ARHGAP31: variants seen among roughly 807,000 people sequenced by gnomAD.
The protein encoded by ARHGAP31 is rho GTPase-activating protein 31.
Under a neutral mutation model 113.9 loss-of-function variants are expected in ARHGAP31, and 34 were observed. The observed-to-expected ratio is 0.30, with a 90% CI of 0.23 to 0.40. ARHGAP31 has a LOEUF of 0.40. ARHGAP31 is among the 10% of genes least tolerant of loss of function. The pLI is 1.00. For missense variants in ARHGAP31, 1,548 were observed against 1,767.1 expected (o/e 0.88, Z 2.22); for synonymous variants, 650 against 684.8 (o/e 0.95, Z 0.79).
intron 1 of ARHGAP31, among the ~76,000 whole-genome samples, chr3:119,306,384 T>C (rs2079630755): frequency 6.6e-6 from 1 of 151,936 alleles, no homozygotes; most frequent in Non-Finnish European, 1.5e-5. Context: ...TGAAACCCCA[T>C]CTCTACTAAA....
chr3:119,415,001 A>G lies in ARHGAP31; in HGVS notation c.3072A>G (p.Gly1024=), dbSNP rs377221195. The change falls in exon 12 of 12, where the codon GGA becomes GGG. Residue 1024 remains glycine, a synonymous_variant. Transcript: ENST00000264245. Reference sequence around the variant, plus strand: ...CAGAGGCTCCTCCCAACCAGAAGGGACCAAGTGGTGTGCAACCCAACCCAG... The same window carrying G: ...CAGAGGCTCCTCCCAACCAGAAGGGGCCAAGTGGTGTGCAACCCAACCCAG... ...KGAEAPPNQK[G]PSGVQPNPAE... 1.8e-5 allele frequency: 29 copies of G among 1,614,184 alleles called. No individual in the cohort carries two copies. The African/African-American group carries it at 3.3e-4, about 19-fold the overall frequency.
In ARHGAP31 at chr3:119,304,913, A is replaced by T. The variant is rs999539733; in HGVS notation, c.100+9909A>T. ...CTGTCTCAAAATAAAATAAAATAAA[A>T]TAAAATAAAATAAAATAAAATAAAA... On this transcript the variant is annotated intron_variant, in intron 1 of 11. Transcript: ENST00000264245. 1.4e-4 allele frequency among the ~76,000 whole-genome samples: 9 copies of T among 64,280 alleles called. No individual in the cohort carries two copies. In the South Asian group the frequency reaches 2.0e-3, roughly 14 times the overall value. 42.2% of individuals were successfully genotyped at this position (64,280 alleles called of 152,430 possible).
chr3:119,359,806 G>A (rs578098879), intron 1 of ARHGAP31, among the ~76,000 whole-genome samples: 3 of 152,236 alleles, frequency 2.0e-5, no homozygotes, highest in South Asian at 2.1e-4. Context: ...TCTTTACTGC[G>A]TCTCTTGGGA....
intron 6 of ARHGAP31, 113 bp downstream of exon 6, chr3:119,383,339 G>A (rs2080419703): frequency 7.4e-7 from 1 of 1,357,394 alleles, no homozygotes; most frequent in Non-Finnish European, 1.0e-6. Flanking sequence ...AGTGTTGGCT[G>A]TGTGTATGCT....
At chr3:119,361,098 A>G (rs187359467) in intron 1 of ARHGAP31, among the ~76,000 whole-genome samples, 1 of 152,342 alleles carries the variant, frequency 6.6e-6, no homozygotes, top group Admixed American at 6.5e-5. Context: ...CCCCTGGGAC[A>G]ATAGTTTAAA....
chr3:119,325,764 C>T (rs775527617), intron 1 of ARHGAP31, among the ~76,000 whole-genome samples: 1 of 152,174 alleles, frequency 6.6e-6, no homozygotes, highest in Non-Finnish European at 1.5e-5. Flanking sequence ...AGAGGAGCTA[C>T]CAGTAATTTT....
chr3:119,390,992 C>A lies in ARHGAP31; in HGVS notation c.881+9C>A, dbSNP rs373155297. The A allele has an allele frequency of 9.9e-6, 16 of 1,613,708 alleles. No homozygotes were observed. The highest frequency in any genetic ancestry group is 1.4e-5 in the Non-Finnish European group (16 of 1,179,698). On this transcript the variant is annotated intron_variant, in intron 7 of 11. Coordinates refer to ENST00000264245, the MANE Select transcript of ARHGAP31 (RefSeq NM_020754.4). Reference sequence around the variant, plus strand: ...GAGTTACCAGACAACAAGTAAGTGGCACTCTTTTAAAAAATTCTAGGAGAT... The same window carrying A: ...GAGTTACCAGACAACAAGTAAGTGGAACTCTTTTAAAAAATTCTAGGAGAT...
chr3:119,304,546 A>G (rs72960642), intron 1 of ARHGAP31, among the ~76,000 whole-genome samples: 8,943 of 152,130 alleles, frequency 0.059, 687 homozygotes, highest in African/African-American at 0.18. Flanking sequence ...AAATCTGGGA[A>G]AGGCAGCTGA....
At chr3:119,295,566 G>T (rs957600024) in intron 1 of ARHGAP31, among the ~76,000 whole-genome samples, 19 of 151,980 alleles carry the variant, frequency 1.3e-4, no homozygotes, top group African/African-American at 4.6e-4. Context: ...CAAATATATA[G>T]TACCTCCACC....
intron 1 of ARHGAP31, among the ~76,000 whole-genome samples, chr3:119,332,670 C>T (rs1259253963): frequency 6.7e-6 from 1 of 149,796 alleles, no homozygotes; most frequent in East Asian, 1.9e-4. Context: ...CACACACACA[C>T]ACACACGCAT....
chr3:119,323,420 G>T (rs1413621462), intron 1 of ARHGAP31, among the ~76,000 whole-genome samples: 2 of 152,254 alleles, frequency 1.3e-5, no homozygotes, highest in African/African-American at 4.8e-5. Context: ...GTAGAGAAAG[G>T]AGGTGCAACC....
intron 3 of ARHGAP31, among the ~76,000 whole-genome samples, chr3:119,374,377 C>T (rs940093317): frequency 6.6e-6 from 1 of 152,168 alleles, no homozygotes; most frequent in Non-Finnish European, 1.5e-5. Context: ...TGTTAGCTTC[C>T]TGAGGCCCTC....
At chr3:119,368,214 C>A (rs562353189) in intron 2 of ARHGAP31, among the ~76,000 whole-genome samples, 158 bp from the exon 3 acceptor site, 1 of 152,282 alleles carries the variant, frequency 6.6e-6, no homozygotes, top group African/African-American at 2.4e-5. Context: ...CTTCCTGTGA[C>A]TTCCTAGGGC....
intron 1 of ARHGAP31, 126 bp downstream of exon 1, chr3:119,295,130 A>G: frequency 3.6e-6 from 3 of 831,856 alleles, no homozygotes; most frequent in Admixed American, 2.6e-5. Flanking sequence ...CGCTCATTGC[A>G]CTTTTTTTTC....
chr3:119,415,404 T>C lies in ARHGAP31; in HGVS notation c.3475T>C (p.Ser1159Pro). Residue 1159 changes from serine (S) to proline (P), a missense_variant, in exon 12 of 12, where the codon TCC becomes CCC. Physicochemically the swap from Ser to Pro is moderately conservative, Grantham distance 74 (BLOSUM62 -1). Transcript: ENST00000264245. ...TAAAGCAGACCCCTGGAGGGTTTAC[T>C]CCCAGGACCCCCAGGACCTGGACAT... is the stretch of plus-strand genomic sequence containing the variant. ...YCKADPWRVY[S>P]QDPQDLDIVA... The C allele has an allele frequency of 6.2e-7, 1 of 1,613,996 alleles. No individual in the cohort carries two copies. The highest frequency in any genetic ancestry group is 8.5e-7 in the Non-Finnish European group (1 of 1,180,000).
chr3:119,410,567 T>C (rs1205302206), intron 11 of ARHGAP31, among the ~76,000 whole-genome samples: 3 of 152,120 alleles, frequency 2.0e-5, no homozygotes, highest in Non-Finnish European at 2.9e-5. Context: ...ATAAGATATA[T>C]TGGCATTTGT....
At chr3:119,337,528 G>C (rs1412975459) in intron 1 of ARHGAP31, among the ~76,000 whole-genome samples, 1 of 152,176 alleles carries the variant, frequency 6.6e-6, no homozygotes, top group African/African-American at 2.4e-5. Flanking sequence ...TTGCCACTGT[G>C]GGTGCCAGTG....
chr3:119,336,602 A>T (rs1034197567), intron 1 of ARHGAP31, among the ~76,000 whole-genome samples: 1 of 152,220 alleles, frequency 6.6e-6, no homozygotes, highest in African/African-American at 2.4e-5. Context: ...TGTTGGTCTA[A>T]GTTCTAAACA....
At chr3:119,413,103 G>T (rs1049438587) in intron 11 of ARHGAP31, among the ~76,000 whole-genome samples, 1 of 151,928 alleles carries the variant, frequency 6.6e-6, no homozygotes, top group African/African-American at 2.4e-5. Context: ...GGATCACAAG[G>T]TCAGGAGTTT....
Sources: gnomAD v4.1 joint callset for allele counts (sites outside exome capture counted in the v4.1 genomes callset) on GRCh38, gnomAD v4.1.1 for gene constraint, MANE v1.5 for transcripts, NCBI Gene and HGNC (gene_info 2026-07-23, HGNC 2026-07-21) for gene names.